TG: variants seen among roughly 807,000 people sequenced by gnomAD.
TG encodes thyroid hormones.
TG carries 270 observed loss-of-function variants against 324.7 expected under a neutral mutation model. That is an observed-to-expected ratio of 0.83 (90% CI 0.75 to 0.92). TG has a LOEUF of 0.92. Ranked by LOEUF, TG falls within the 40% of genes least tolerant of loss-of-function variation. The probability of loss-of-function intolerance (pLI) is 0.00; values close to 1 mark genes in which losing one functional copy is unlikely to be tolerated. For synonymous variants in TG, 1,401 were observed against 1,327.0 expected (o/e 1.06, Z -1.21); for missense variants, 3,591 against 3,456.4 (o/e 1.04, Z -0.98).
intron 40 of TG, among the ~76,000 whole-genome samples, chr8:133,027,022 A>T (rs1194639755): frequency 6.6e-6 from 1 of 152,200 alleles, no homozygotes; most frequent in Admixed American, 6.5e-5. Context: ...GCACACGAAC[A>T]TTAACTTGTC....
rs571089426 is a variant in TG, at chr8:132,937,192, G to C, written c.5041+1328G>C. The stretch of plus-strand genomic sequence containing the variant: ...AAAGGGGGCTCGACCTGGGACTTGG[G>C]GGTTGGGAGAAGGGGAGTACAGGTG... On this transcript the variant is annotated intron_variant, in intron 25 of 47. Coordinates refer to ENST00000220616, the MANE Select transcript of TG (RefSeq NM_003235.5). Among the ~76,000 whole-genome samples, 14 of 152,296 alleles carry C rather than the reference G, an allele frequency of 9.2e-5. No homozygotes were observed. In the South Asian group the frequency reaches 2.9e-3, roughly 32 times the overall value.
intron 41 of TG, among the ~76,000 whole-genome samples, chr8:133,031,892 T>C (rs1836674303): frequency 6.6e-6 from 1 of 152,236 alleles, no homozygotes; most frequent in Non-Finnish European, 1.5e-5. Context: ...TTCCTGACTT[T>C]TCAGCCTAGA....
At chr8:133,000,430 G>A (rs1439981468) in intron 35 of TG, among the ~76,000 whole-genome samples, 1 of 152,216 alleles carries the variant, frequency 6.6e-6, no homozygotes, top group African/African-American at 2.4e-5. Context: ...AACTGTTCCT[G>A]TTCACAAATT....
chr8:132,949,848 T>A (rs1279508503), intron 27 of TG, among the ~76,000 whole-genome samples: 1 of 152,184 alleles, frequency 6.6e-6, no homozygotes, highest in East Asian at 1.9e-4. Context: ...TGGCATCACC[T>A]TCACAGCCCT....
chr8:132,972,375 A>G, intron 33 of TG: 1 of 595,202 alleles, frequency 1.7e-6, no homozygotes, highest in Non-Finnish European at 2.9e-6. Context: ...AGCACATGTT[A>G]GGTGCTTGAT....
chr8:132,974,839 C>T (rs909104247), intron 34 of TG, among the ~76,000 whole-genome samples: 2 of 152,166 alleles, frequency 1.3e-5, no homozygotes, highest in African/African-American at 4.8e-5. Context: ...TGCTCATGAG[C>T]CTACCCATTC....
At chr8:133,070,406 T>C (rs888960295) in intron 41 of TG, among the ~76,000 whole-genome samples, 1 of 152,212 alleles carries the variant, frequency 6.6e-6, no homozygotes, top group Non-Finnish European at 1.5e-5. Flanking sequence ...CTAATCTAAG[T>C]GGGCATCCAC....
Position 132,900,391 on chromosome 8 carries a change from G to C in TG, c.3433+52G>C, listed in dbSNP as rs1172835745. The C allele has an allele frequency of 2.0e-6, 3 of 1,529,564 alleles. No individual in the cohort carries two copies. In the African/African-American group the frequency reaches 4.1e-5, roughly 21 times the overall value. 94.7% of individuals were successfully genotyped at this position (1,529,564 alleles called of 1,614,324 possible). A position where few individuals can be genotyped will look rare whatever the true frequency, so the allele number is the denominator to read the frequency against. On this transcript the variant is annotated intron_variant, in intron 15 of 47. Coordinates refer to ENST00000220616, the MANE Select transcript of TG (RefSeq NM_003235.5). Reference sequence around the variant, plus strand: ...CTTCTCACCTCTTCTGTGGGGCACTGAGCGTGGAGTCCAAAGAGCTGGCTT... The same window carrying C: ...CTTCTCACCTCTTCTGTGGGGCACTCAGCGTGGAGTCCAAAGAGCTGGCTT...
chr8:132,958,318 C>A (rs1827223578), intron 27 of TG, among the ~76,000 whole-genome samples: 1 of 152,140 alleles, frequency 6.6e-6, no homozygotes, highest in South Asian at 2.1e-4. Context: ...ATAGCTCTCT[C>A]TATATGTATC....
At chr8:133,059,177 C>G in intron 41 of TG, 1 of 455,896 alleles carries the variant, frequency 2.2e-6, no homozygotes, top group Non-Finnish European at 4.4e-6. Flanking sequence ...CTGCTGGGAA[C>G]CATGTGTGGT....
At chr8:132,931,925 A>AAAT (rs1460691059) in intron 23 of TG, among the ~76,000 whole-genome samples, 3 of 152,058 alleles carry the variant, frequency 2.0e-5, no homozygotes, top group Non-Finnish European at 2.9e-5. Flanking sequence ...AAAAAAATAA[A>AAAT]AATAATAATA....
chr8:133,112,113 C>T (rs76296684), intron 43 of TG, among the ~76,000 whole-genome samples: 132 of 1,392 alleles, frequency 0.095, no homozygotes, highest in South Asian at 0.33. Context: ...AGTGGCTGTG[C>T]CCACCCAGGA....
intron 46 of TG, 186 bp from the exon 47 acceptor site, chr8:133,133,270 CCTAGCTTTGCAGTG>C (rs1176811887): frequency 1.7e-5 from 11 of 653,944 alleles, no homozygotes; most frequent in Non-Finnish European, 2.2e-5. Flanking sequence ...CCAGAAATGG[CCTAGCTTTGCAGTG>C]CTAGCTTTGC....
chr8:133,130,485 G>A (rs1851854786), intron 45 of TG, among the ~76,000 whole-genome samples: 1 of 152,114 alleles, frequency 6.6e-6, no homozygotes, highest in African/African-American at 2.4e-5. Context: ...GCATCAGAAG[G>A]ACTTGGCCAC....
Position 132,887,429 on chromosome 8 carries a change from C to T in TG, c.2057C>T (p.Ala686Val), listed in dbSNP as rs1189921950. The change falls in exon 9 of 48, where the codon GCT (alanine) becomes GTT (valine). Residue 686 changes from alanine (A) to valine (V), a missense_variant. Ala to Val is a moderately conservative substitution (Grantham distance 64). Transcript: ENST00000220616. Reference sequence around the variant, plus strand: ...GCTGGCTCCACCTTGTTTGTCCCTGCTTGTACTAGTGAGGGACATTTCCTG... The same window carrying T: ...GCTGGCTCCACCTTGTTTGTCCCTGTTTGTACTAGTGAGGGACATTTCCTG... ...QPAGSTLFVP[A>V]CTSEGHFLPV... 3 of 1,614,030 alleles carry T rather than the reference C, an allele frequency of 1.9e-6. No individual in the cohort carries two copies. Among genetic ancestry groups the T allele is most frequent in the Non-Finnish European group, 1.7e-6 (2 of 1,180,048 alleles).
intron 40 of TG, among the ~76,000 whole-genome samples, chr8:133,028,497 T>C (rs1460313930): frequency 6.6e-6 from 1 of 152,244 alleles, no homozygotes; most frequent in Non-Finnish European, 1.5e-5. Flanking sequence ...AGCAACATAA[T>C]GTTAGAACCT....
At chr8:133,008,765 G>T (rs999200823) in intron 35 of TG, among the ~76,000 whole-genome samples, 1 of 152,200 alleles carries the variant, frequency 6.6e-6, no homozygotes, top group South Asian at 2.1e-4. Flanking sequence ...CTGTTTCCTT[G>T]TCTGTAAACT....
chr8:133,048,602 C>T (rs1839892541), intron 41 of TG: 1 of 156,426 alleles, frequency 6.4e-6, no homozygotes, highest in Non-Finnish European at 1.4e-5. Flanking sequence ...TTATGTCACT[C>T]CTCCTGGTTC....
rs752795622 is a variant in TG, at chr8:133,013,777, C to A, written c.6562+13C>A. ...TACCGGAAGCCAGGTAAGCCCAAGC[C>A]TATGCCTTTGCAGCCATCCTGGGAA... On this transcript the variant is annotated intron_variant, in intron 37 of 47. Coordinates refer to ENST00000220616, the MANE Select transcript of TG (RefSeq NM_003235.5). 4 of 1,606,662 alleles carry A rather than the reference C, an allele frequency of 2.5e-6. No individual in the cohort carries two copies. Among genetic ancestry groups the A allele is most frequent in the Non-Finnish European group, 3.4e-6 (4 of 1,179,526 alleles).
Sources: allele counts gnomAD v4.1 joint callset (sites outside exome capture counted in the v4.1 genomes callset), GRCh38; gene constraint gnomAD v4.1.1; transcripts MANE v1.5; gene names NCBI Gene and HGNC (gene_info 2026-07-23, HGNC 2026-07-21).